UGT1A6: variants seen among roughly 807,000 people sequenced by gnomAD.
UGT1A6 encodes UDP-glucuronosyltransferase 1A6.
A neutral mutation model predicts 44.4 loss-of-function variants in UGT1A6; 32 were observed. The observed-to-expected ratio is 0.72, with a 90% CI of 0.54 to 0.97. The LOEUF is 0.97. Ranked by LOEUF, UGT1A6 falls within the 50% of genes least tolerant of loss-of-function variation. The pLI, the probability that UGT1A6 is intolerant of heterozygous loss-of-function variation, is 0.00. For missense variants in UGT1A6, 685 were observed against 661.9 expected, an observed-to-expected ratio of 1.03 and a Z score of -0.38; for synonymous variants, 238 against 248.5, an observed-to-expected ratio of 0.96 and a Z score of 0.40.
At chr2:233,697,906 T>A (rs1439764311) in intron 1 of UGT1A6, among the ~76,000 whole-genome samples, 1 of 152,240 alleles carries the variant, frequency 6.6e-6, no homozygotes, top group Non-Finnish European at 1.5e-5. Flanking sequence ...ATCTATTGAC[T>A]CCTTCTCCTA....
intron 1 of UGT1A6, among the ~76,000 whole-genome samples, chr2:233,727,176 C>G (rs2077590030): frequency 6.6e-6 from 1 of 152,122 alleles, no homozygotes; most frequent in Non-Finnish European, 1.5e-5. Context: ...TTTTCTGTCT[C>G]TGGACTTTGC....
Position 233,715,881 on chromosome 2 carries a change from C to T in UGT1A6, c.861+22016C>T, listed in dbSNP as rs867563291. Among the ~76,000 whole-genome samples the T allele has an allele frequency of 2.6e-5, 4 of 152,154 alleles. No individual in the cohort carries two copies. In the South Asian group the frequency reaches 8.3e-4, roughly 32 times the overall value. On this transcript the variant is annotated intron_variant, in intron 1 of 4. Coordinates refer to ENST00000305139, the MANE Select transcript of UGT1A6 (RefSeq NM_001072.4). Reference sequence around the variant, plus strand: ...GGTGCAGTAGCTTGTGCCTGTGGCCCCAGCTACTTGGGAGGCTCAGGTGGG... The same window carrying T: ...GGTGCAGTAGCTTGTGCCTGTGGCCTCAGCTACTTGGGAGGCTCAGGTGGG...
chr2:233,718,916 G>C, intron 1 of UGT1A6: 1 of 1,614,098 alleles, frequency 6.2e-7, no homozygotes. Context: ...GAAAGGTGTT[G>C]GTGGTGCCCA....
chr2:233,737,725 T>A (rs936117182), intron 1 of UGT1A6, among the ~76,000 whole-genome samples: 1 of 152,150 alleles, frequency 6.6e-6, no homozygotes, highest in African/African-American at 2.4e-5. Context: ...CACCTCCTTT[T>A]TTTTTCCTTT....
intron 1 of UGT1A6, chr2:233,729,592 C>A (rs1253832448): frequency 6.2e-7 from 1 of 1,613,966 alleles, no homozygotes; most frequent in African/African-American, 1.3e-5. Flanking sequence ...CCCCGTTAAC[C>A]TCTGCGCGGC....
intron 1 of UGT1A6, chr2:233,718,964 G>A (rs767708509): frequency 1.1e-5 from 17 of 1,614,104 alleles, no homozygotes; most frequent in Non-Finnish European, 1.4e-5. Flanking sequence ...GGGAGGCCTT[G>A]CGGGAGCTCC....
chr2:233,770,111 G>A (rs1335443900), intron 4 of UGT1A6: 1 of 152,202 alleles, frequency 6.6e-6, no homozygotes, highest in Non-Finnish European at 1.5e-5. Flanking sequence ...TGTAACCTAA[G>A]AACAACTTGG....
At chr2:233,731,806 G>A (rs142975775) in intron 1 of UGT1A6, among the ~76,000 whole-genome samples, 5,114 of 152,192 alleles carry the variant, frequency 0.034, 99 homozygotes, top group African/African-American at 0.051. Context: ...ACCCAGTAAT[G>A]GTATGGCTGT....
At chr2:233,748,012 G>C (rs911822936) in intron 1 of UGT1A6, 2 of 1,613,354 alleles carry the variant, frequency 1.2e-6, no homozygotes, top group Non-Finnish European at 1.7e-6. Context: ...GATTACCCCA[G>C]GCCGATCATG....
At chr2:233,693,994 C>T (rs889915567) in intron 1 of UGT1A6, 129 bp downstream of exon 1, 87 of 1,517,188 alleles carry the variant, frequency 5.7e-5, no homozygotes, top group African/African-American at 2.2e-4. Flanking sequence ...AAGTGATACC[C>T]GGCTCGGAGC....
intron 1 of UGT1A6, chr2:233,717,919 A>G (rs549898457): frequency 4.4e-6 from 2 of 454,776 alleles, no homozygotes; most frequent in Admixed American, 2.3e-5. Flanking sequence ...GCCTGGATGA[A>G]TGGATACTTC....
chr2:233,766,948 G>A, intron 1 of UGT1A6, 86 bp from the exon 2 acceptor site: 1 of 1,599,792 alleles, frequency 6.3e-7, no homozygotes, highest in Non-Finnish European at 8.5e-7. Context: ...AGTCTTAAGA[G>A]GAAGATATCT....
rs1047777533 is a variant in UGT1A6 at position 233,760,225 on chromosome 2, G to T, written c.862-6809G>T. ...AAACATTAACTTGGTGTATCGATTG[G>T]TTTTTGCCATATATATATATATAAG... On this transcript the variant is annotated intron_variant, in intron 1 of 4. Coordinates refer to ENST00000305139, the MANE Select transcript of UGT1A6 (RefSeq NM_001072.4). 3.2e-6 allele frequency: 5 copies of T among 1,585,120 alleles called. No individual in the cohort carries two copies. The African/African-American group carries it at 4.5e-5, about 14-fold the overall frequency.
At chr2:233,697,767 G>T (rs2075409769) in intron 1 of UGT1A6, among the ~76,000 whole-genome samples, 1 of 151,840 alleles carries the variant, frequency 6.6e-6, no homozygotes, top group Non-Finnish European at 1.5e-5. Flanking sequence ...TTGATACATT[G>T]TGTTTCCATT....
In UGT1A6 at chr2:233,704,013, C is replaced by T. The variant is rs540350992; in HGVS notation, c.861+10148C>T. ...TCAAGCAGTTCTCCCACCTCAGCCG[C>T]CCGAGCAGCTGGAACTACAGGTGTG... On this transcript the variant is annotated intron_variant, in intron 1 of 4. Coordinates refer to ENST00000305139, the MANE Select transcript of UGT1A6 (RefSeq NM_001072.4). Among the ~76,000 whole-genome samples the T allele has an allele frequency of 9.2e-5, 14 of 152,132 alleles. No individual in the cohort carries two copies. The East Asian group carries it at 2.7e-3, about 29-fold the overall frequency.
intron 1 of UGT1A6, among the ~76,000 whole-genome samples, chr2:233,717,070 C>T (rs1164354349): frequency 2.0e-5 from 3 of 152,106 alleles, no homozygotes; most frequent in South Asian, 4.2e-4. Context: ...GTGCCAGACA[C>T]GTAACCAGAA....
In UGT1A6 at chr2:233,760,763, T is replaced by C. The variant is rs587784539; in HGVS notation, c.862-6271T>C. 4.6e-5 allele frequency: 74 copies of C among 1,613,968 alleles called. 1 individual carries two copies. In the South Asian group the frequency reaches 7.5e-4, roughly 16 times the overall value. ...GACCCTTTCCTTCCTTGCAGCCCCA[T>C]CGTGGCCCAGTACCTGTCTCTGCCC... On this transcript the variant is annotated intron_variant, in intron 1 of 4. Transcript: ENST00000305139.
At chr2:233,720,574 T>A (rs1460258632) in intron 1 of UGT1A6, among the ~76,000 whole-genome samples, 1 of 152,136 alleles carries the variant, frequency 6.6e-6, no homozygotes, top group Non-Finnish European at 1.5e-5. Context: ...CTATTCTTTT[T>A]CCAAAAATTT....
At chr2:233,758,553 G>A (rs1420441081) in intron 1 of UGT1A6, among the ~76,000 whole-genome samples, 1 of 152,202 alleles carries the variant, frequency 6.6e-6, no homozygotes, top group Non-Finnish European at 1.5e-5. Context: ...TGCTTGCCCA[G>A]AATCTTGGTC....
Sources: gnomAD v4.1 joint callset for allele counts (sites outside exome capture counted in the v4.1 genomes callset) on GRCh38, gnomAD v4.1.1 for gene constraint, MANE v1.5 for transcripts, NCBI Gene and HGNC (gene_info 2026-07-23, HGNC 2026-07-21) for gene names.